Variants in ISLR2 observed in about 807,000 individuals in gnomAD.
The protein encoded by ISLR2 is immunoglobulin superfamily containing leucine-rich repeat protein 2.
In ISLR2, 16 loss-of-function variants were observed where a neutral mutation model predicts 25.5. The observed-to-expected ratio is 0.63, with a 90% CI of 0.43 to 0.95. ISLR2 has a LOEUF of 0.95. ISLR2 is among the 40% of genes least tolerant of loss of function. ISLR2 has a pLI of 0.00. For synonymous variants in ISLR2, 508 were observed against 486.6 expected, an observed-to-expected ratio of 1.04 and a Z score of -0.58; for missense variants, 883 against 1,030.7, an observed-to-expected ratio of 0.86 and a Z score of 1.96.
chr15:74,108,987 G>A (rs772602630), intron 2 of ISLR2, among the ~76,000 whole-genome samples: 45 of 152,336 alleles, frequency 3.0e-4, no homozygotes, highest in Non-Finnish European at 4.1e-4. Context: ...ACAATAGGCC[G>A]TGGCTGGATC....
rs373225895 is a variant in ISLR2 at position 74,134,378 on chromosome 15, C to A, written c.1624C>A (p.Gln542Lys). 1.6e-5 allele frequency: 25 copies of A among 1,606,370 alleles called. No homozygotes were observed. The highest frequency in any genetic ancestry group is 1.9e-5 in the Non-Finnish European group (22 of 1,177,994). ...LCPAGGGAAVQWSRVEEGVNA... is the reference protein window; with the variant it reads ...LCPAGGGAAVKWSRVEEGVNA... ...TCCAGCGGGGGGCGGCGCGGCAGTG[C>A]AGTGGTCCCGCGTAGAGGAAGGCGT... The change falls in exon 3 of 3, where the codon CAG becomes AAG. Residue 542 changes from glutamine to lysine, a missense_variant. Gln to Lys is a moderately conservative substitution (Grantham distance 53). Transcript: ENST00000453268.
intron 2 of ISLR2, among the ~76,000 whole-genome samples, chr15:74,112,524 G>A (rs1198487087): frequency 6.7e-6 from 1 of 150,012 alleles, no homozygotes; most frequent in Non-Finnish European, 1.5e-5. Context: ...CCATTTATGG[G>A]TCTGCTTTTT....
chr15:74,134,175 A>G lies in ISLR2; in HGVS notation c.1421A>G (p.Asn474Ser), dbSNP rs1297631820. 6 of 1,612,630 alleles carry G rather than the reference A, an allele frequency of 3.7e-6. 1 individual carries two copies. The South Asian group carries it at 6.6e-5, about 18-fold the overall frequency. Residue 474 changes from asparagine to serine, a missense_variant, in exon 3 of 3, where the codon AAC becomes AGC. This residue lies in a region of ISLR2 where 612 missense variants were observed against 642.8 expected (regional missense o/e 0.95). Coordinates refer to ENST00000453268, the MANE Select transcript of ISLR2 (RefSeq NM_020851.3). ...CGGTACGTTTCTAACCACGCGTTCAACCAGAGCGCAGAGCTCAAGCCGCAC... is the reference window on the plus strand; with the variant it reads ...CGGTACGTTTCTAACCACGCGTTCAGCCAGAGCGCAGAGCTCAAGCCGCAC... ...PSRYVSNHAFNQSAELKPHVF... is the reference protein window; with the variant it reads ...PSRYVSNHAFSQSAELKPHVF...
intron 2 of ISLR2, among the ~76,000 whole-genome samples, chr15:74,114,520 G>A (rs917157383): frequency 6.6e-6 from 1 of 152,116 alleles, no homozygotes; most frequent in African/African-American, 2.4e-5. Flanking sequence ...CACTTTGGGA[G>A]GCTGAGGTGG....
upstream of ISLR2, among the ~76,000 whole-genome samples, chr15:74,123,317 A>G (rs1390070692): frequency 6.6e-6 from 1 of 152,030 alleles, no homozygotes; most frequent in East Asian, 1.9e-4. Flanking sequence ...CCACAACCCC[A>G]GGCTCCCAAG....
intron 2 of ISLR2, among the ~76,000 whole-genome samples, chr15:74,106,146 G>A (rs1004567628): frequency 1.1e-4 from 16 of 152,086 alleles, no homozygotes; most frequent in South Asian, 8.3e-4. Flanking sequence ...AGCTATGATC[G>A]TGCCACTGAA....
At chr15:74,130,343 G>A (rs2072380538), upstream of ISLR2, 1 of 152,136 alleles carries the variant, frequency 6.6e-6, no homozygotes, top group African/African-American at 2.4e-5. Context: ...CTTCGGGGAG[G>A]AGGCGGCTAG....
chr15:74,139,259 C>T (rs1033642972), downstream of ISLR2, among the ~76,000 whole-genome samples: 2 of 152,226 alleles, frequency 1.3e-5, no homozygotes, highest in Non-Finnish European at 2.9e-5. Flanking sequence ...ACTCTGCCAA[C>T]TGCCCACTGA....
rs781260225 is a variant in ISLR2, at chr15:74,132,847, T to A, written c.93T>A (p.Ala31=). Residue 31 remains alanine, a synonymous_variant, in exon 3 of 3, where the codon GCT becomes GCA. Transcript: ENST00000453268. The surrounding 1 kb of genome is among the most constrained non-coding windows in gnomAD (Gnocchi z 4.3). ...PEPCACVDKY[A]HQFADCAYKE... is the part of the protein sequence containing the mutation. ...CGTGCGCCTGCGTGGACAAGTACGC[T>A]CACCAGTTCGCGGACTGCGCTTACA... 5 of 1,613,956 alleles carry A rather than the reference T, an allele frequency of 3.1e-6. No homozygotes were observed. In the Admixed American group the frequency reaches 5.0e-5, roughly 16 times the overall value.
intron 2 of ISLR2, among the ~76,000 whole-genome samples, chr15:74,118,370 G>A (rs62005678): frequency 1.3e-5 from 2 of 152,054 alleles, no homozygotes; most frequent in African/African-American, 4.8e-5. Flanking sequence ...CCACAGGACC[G>A]GGGTGAAATT....
upstream of ISLR2, among the ~76,000 whole-genome samples, chr15:74,123,936 T>C (rs933954401): frequency 6.6e-6 from 1 of 151,920 alleles, no homozygotes. Flanking sequence ...AGCCCAGGAT[T>C]TGAGGCCAGC....
Position 74,135,190 on chromosome 15 carries a change from C to T in ISLR2, c.*198C>T, listed in dbSNP as rs933957980. 2 of 650,810 alleles carry T rather than the reference C, an allele frequency of 3.1e-6. No homozygotes were observed. Among genetic ancestry groups the T allele is most frequent in the South Asian group, 4.0e-5 (2 of 49,732 alleles). The allele number at this position is 650,810 out of a possible 1,614,324, so 40.3% of individuals were successfully genotyped here. ...ACCAGTCCCTGCTACCCACGGCTGC[C>T]ATTCTCCCTGCGGGCTGAATCCCCT... is the stretch of plus-strand genomic sequence containing the variant. On this transcript the variant is annotated 3_prime_UTR_variant, in exon 3 of 3. Transcript: ENST00000453268.
intron 1 of ISLR2, among the ~76,000 whole-genome samples, chr15:74,100,908 T>A (rs2072079614): frequency 6.7e-6 from 1 of 149,040 alleles, no homozygotes. Context: ...ATCGGTTGCT[T>A]AGATTGCAGT....
At position 74,134,206 on chromosome 15, in the gene ISLR2, C is replaced by G. The variant is rs2072505408; in HGVS notation, c.1452C>G (p.Phe484Leu). 2 of 1,608,658 alleles carry G rather than the reference C, an allele frequency of 1.2e-6. No individual in the cohort carries two copies. ...GCGCAGAGCTCAAGCCGCACGTCTT[C>G]GAGCTGGGCGTCATCGCGCTGGATG... The part of the protein sequence containing the change: ...NQSAELKPHV[F>L]ELGVIALDVA... Residue 484 changes from phenylalanine (F) to leucine (L), a missense_variant, in exon 3 of 3, where the codon TTC (phenylalanine) becomes TTG (leucine). Phe to Leu is a conservative substitution (Grantham distance 22). This residue lies in a region of ISLR2 where 612 missense variants were observed against 642.8 expected (regional missense o/e 0.95). Transcript: ENST00000453268.
upstream of ISLR2, chr15:74,126,405 A>C (rs1356054534): frequency 7.4e-6 from 1 of 134,254 alleles, no homozygotes. Context: ...CCCAGGCCGG[A>C]ATGCAGTGGC....
At chr15:74,114,222 CA>C (rs1488327362) in intron 2 of ISLR2, among the ~76,000 whole-genome samples, 1 of 152,224 alleles carries the variant, frequency 6.6e-6, no homozygotes, top group Non-Finnish European at 1.5e-5. Flanking sequence ...ACAATTTCTT[CA>C]TGTACTTTGT....
In ISLR2 at chr15:74,136,498, G is replaced by A; in HGVS notation, c.*1506G>A. The A allele has an allele frequency of 6.1e-6, 1 of 164,316 alleles. No individual in the cohort carries two copies. The highest frequency in any genetic ancestry group is 1.5e-5 in the Non-Finnish European group (1 of 67,938). The allele number at this position is 164,316 out of a possible 1,614,324, so 10.2% of individuals were successfully genotyped here. On this transcript the variant is annotated 3_prime_UTR_variant, in exon 3 of 3. Transcript: ENST00000453268. ...GCCCGGCGTGTAGTCCCTGACAAGCGTGCCCTGTAGGAGAAAAGTCTGTGT... is the reference window on the plus strand; with the variant it reads ...GCCCGGCGTGTAGTCCCTGACAAGCATGCCCTGTAGGAGAAAAGTCTGTGT...
At chr15:74,114,456 A>C (rs576666145) in intron 2 of ISLR2, among the ~76,000 whole-genome samples, 1 of 152,270 alleles carries the variant, frequency 6.6e-6, no homozygotes, top group East Asian at 1.9e-4. Context: ...TTCACTGATA[A>C]TAAGAAAGAT....
rs1200617683 is a variant in ISLR2 at position 74,134,640 on chromosome 15, T to G, written c.1886T>G (p.Leu629Arg). Residue 629 changes from leucine to arginine, a missense_variant, in exon 3 of 3, where the codon CTG (leucine) becomes CGG (arginine). Physicochemically the swap from Leu to Arg is moderately radical, Grantham distance 102. This residue lies in a region of ISLR2 where 612 missense variants were observed against 642.8 expected (regional missense o/e 0.95). Coordinates refer to ENST00000453268, the MANE Select transcript of ISLR2 (RefSeq NM_020851.3). ...CCGGGCAAGCCCTACCGTCTGATCC[T>G]GCGGCCTCAGGCCCCTGACCCTATG... ...KHPGKPYRLI[L>R]RPQAPDPMEK... The G allele has an allele frequency of 1.2e-6, 2 of 1,614,096 alleles. No individual in the cohort carries two copies. The highest frequency in any genetic ancestry group is 1.7e-6 in the Non-Finnish European group (2 of 1,180,008).
Sources: allele counts gnomAD v4.1 joint callset (sites outside exome capture counted in the v4.1 genomes callset), GRCh38; gene constraint gnomAD v4.1.1; regional missense constraint gnomAD v4.1.1; non-coding constraint Gnocchi (gnomAD v3.1); transcripts MANE v1.5; gene names NCBI Gene and HGNC (gene_info 2026-07-23, HGNC 2026-07-21).